The following DNAH11 variants were observed in gnomAD, a reference collection of about 807,000 sequenced individuals.
DNAH11 encodes axonemal beta dynein heavy chain 11.
In DNAH11, 442 loss-of-function variants were observed where a neutral mutation model predicts 526.0. The observed-to-expected ratio is 0.84, with a 90% CI of 0.78 to 0.91. DNAH11 has a LOEUF of 0.91. Ranked by LOEUF, DNAH11 falls within the 40% of genes least tolerant of loss-of-function variation. The probability of loss-of-function intolerance (pLI) is 0.00; values close to 1 mark genes in which losing one functional copy is unlikely to be tolerated. For missense variants in DNAH11, 6,989 were observed against 5,448.7 expected, an observed-to-expected ratio of 1.28 and a Z score of -8.90; for synonymous variants, 2,461 against 1,935.9, an observed-to-expected ratio of 1.27 and a Z score of -7.12.
intron 69 of DNAH11, 51 bp downstream of exon 69, chr7:21,862,074 C>A: frequency 6.6e-7 from 1 of 1,504,136 alleles, no homozygotes; most frequent in East Asian, 2.4e-5. Flanking sequence ...AAGGCAGATG[C>A]CTCTGTTTAT....
intron 80 of DNAH11, 28 bp from the exon 81 acceptor site, chr7:21,899,952 C>T (rs575100954): frequency 5.6e-6 from 9 of 1,611,922 alleles, no homozygotes; most frequent in African/African-American, 1.3e-5. Context: ...CACTTTTATC[C>T]TATTCAATTT....
chr7:21,635,812 A>G, intron 25 of DNAH11, 59 bp from the exon 26 acceptor site: 1 of 1,381,128 alleles, frequency 7.2e-7, no homozygotes, highest in Non-Finnish European at 9.9e-7. Flanking sequence ...TGCCTCCCTC[A>G]TAGCACTCAC....
chr7:21,635,486 A>G (rs971079232), intron 25 of DNAH11, among the ~76,000 whole-genome samples: 4 of 152,058 alleles, frequency 2.6e-5, no homozygotes, highest in Non-Finnish European at 4.4e-5. Flanking sequence ...ACACATACCT[A>G]TACAATCTTG....
rs750940037 is a variant in DNAH11 at position 21,765,369 on chromosome 7, T to C, written c.8941-59T>C. ...TTTCTCTCATTGTCTAAGATTGCAA[T>C]GTAATTCTCTGCTCATTCATCACCC... On this transcript the variant is annotated intron_variant, in intron 54 of 81. Transcript: ENST00000409508. 17 of 1,608,290 alleles carry C rather than the reference T, an allele frequency of 1.1e-5. No homozygotes were observed. In the Admixed American group the frequency reaches 2.3e-4, roughly 22 times the overall value.
intron 65 of DNAH11, among the ~76,000 whole-genome samples, chr7:21,837,208 A>G (rs1448101978): frequency 6.6e-6 from 1 of 152,124 alleles, no homozygotes; most frequent in Non-Finnish European, 1.5e-5. Context: ...ACTAAGAACT[A>G]CCGTATGATC....
At chr7:21,899,267 A>G in intron 79 of DNAH11, 69 bp from the exon 80 acceptor site, 4 of 1,301,624 alleles carry the variant, frequency 3.1e-6, no homozygotes, top group Non-Finnish European at 4.5e-6. Flanking sequence ...AACCGCCCAC[A>G]ACAGAACATA....
chr7:21,894,522 G>A (rs761666942), intron 77 of DNAH11, 101 bp from the exon 78 acceptor site: 73 of 1,243,834 alleles, frequency 5.9e-5, no homozygotes, highest in East Asian at 5.4e-4. Context: ...TTCGGAAGTC[G>A]TATGATATAT....
At chr7:21,636,157 G>A in intron 26 of DNAH11, 62 bp downstream of exon 26, 1 of 1,373,662 alleles carries the variant, frequency 7.3e-7, no homozygotes, top group Non-Finnish European at 9.9e-7. Flanking sequence ...ATGGTTTTGA[G>A]CATCGTATTT....
intron 49 of DNAH11, among the ~76,000 whole-genome samples, chr7:21,743,182 A>T (rs1428655970): frequency 2.0e-5 from 3 of 152,242 alleles, no homozygotes; most frequent in Non-Finnish European, 2.9e-5. Context: ...GCAAAGGTAG[A>T]TGTCTGGGCT....
intron 54 of DNAH11, among the ~76,000 whole-genome samples, chr7:21,756,329 C>G (rs2128494808): frequency 6.6e-6 from 1 of 152,006 alleles, no homozygotes; most frequent in African/African-American, 2.4e-5. Flanking sequence ...TATTAAATGC[C>G]TAAATATATA....
At chr7:21,544,911 T>G (rs1782748665) in intron 1 of DNAH11, 95 bp from the exon 2 acceptor site, 1 of 1,102,420 alleles carries the variant, frequency 9.1e-7, no homozygotes, top group Non-Finnish European at 1.3e-6. Flanking sequence ...CAGGTTTTGT[T>G]TCTTCTGCTA....
At chr7:21,545,236 G>T in intron 2 of DNAH11, 87 bp downstream of exon 2, 3 of 773,318 alleles carry the variant, frequency 3.9e-6, no homozygotes, top group Non-Finnish European at 5.2e-6. Context: ...ATTAAAAAAA[G>T]AAGAGCTAGG....
chr7:21,635,834 T>C, intron 25 of DNAH11, 37 bp from the exon 26 acceptor site: 1 of 1,534,482 alleles, frequency 6.5e-7, no homozygotes, highest in Non-Finnish European at 8.8e-7. Context: ...TTCTACTAAA[T>C]TTAGCTACTA....
In DNAH11 at chr7:21,847,892, G is replaced by A. The variant is rs553880569; in HGVS notation, c.10897-4575G>A. Among the ~76,000 whole-genome samples the A allele has an allele frequency of 3.9e-4, 59 of 152,154 alleles. 2 individuals are homozygous for A. Among genetic ancestry groups the A allele is most frequent in the Admixed American group, 3.7e-3 (56 of 15,280 alleles). The stretch of plus-strand genomic sequence containing the variant: ...AAGATTATTATGCTTTCGACCGGGT[G>A]CAGTGGCTCACGCCTGTAATCCCAG... On this transcript the variant is annotated intron_variant, in intron 66 of 81. Transcript: ENST00000409508.
Position 21,558,996 on chromosome 7 carries a change from C to G in DNAH11, c.690C>G (p.Asn230Lys), listed in dbSNP as rs1435673335. ...KMDLDQNCSENKPPSNERIIL... is the reference protein window; with the variant it reads ...KMDLDQNCSEKKPPSNERIIL... ...ATCTGGATCAGAATTGTTCAGAGAA[C>G]AAGTACGTAACAGTACAATATATAC... The change falls in exon 3 of 82, where the codon AAC becomes AAG. Residue 230 changes from asparagine (N) to lysine (K), a missense_variant and splice_region_variant. Transcript: ENST00000409508. 1.9e-6 allele frequency: 3 copies of G among 1,570,148 alleles called. No individual in the cohort carries two copies. Among genetic ancestry groups the G allele is most frequent in the African/African-American group, 2.7e-5 (2 of 73,926 alleles).
intron 61 of DNAH11, among the ~76,000 whole-genome samples, chr7:21,800,629 C>T (rs1454870313): frequency 6.6e-6 from 1 of 151,494 alleles, no homozygotes; most frequent in Non-Finnish European, 1.5e-5. Context: ...ATACTCATTC[C>T]AAAAAAAATG....
At chr7:21,595,220 CCCTGGG>C (rs1784820807) in intron 14 of DNAH11, among the ~76,000 whole-genome samples, 1 of 152,176 alleles carries the variant, frequency 6.6e-6, no homozygotes, top group Non-Finnish European at 1.5e-5. Context: ...GAGGAAGTTC[CCCTGGG>C]CCTGTTTCAT....
intron 31 of DNAH11, among the ~76,000 whole-genome samples, chr7:21,683,126 C>A (rs1783210765): frequency 6.6e-6 from 1 of 152,032 alleles, no homozygotes; most frequent in Admixed American, 6.6e-5. Context: ...ATCTAATATA[C>A]GTGAATATGC....
At chr7:21,580,422 T>C (rs572687945) in intron 8 of DNAH11, among the ~76,000 whole-genome samples, 85 of 152,334 alleles carry the variant, frequency 5.6e-4, no homozygotes, top group Admixed American at 1.3e-3. Context: ...GTATGACACA[T>C]AGTGTCCTAG....
Sources: gnomAD v4.1 joint callset for allele counts (sites outside exome capture counted in the v4.1 genomes callset) on GRCh38, gnomAD v4.1.1 for gene constraint, MANE v1.5 for transcripts, NCBI Gene and HGNC (gene_info 2026-07-23, HGNC 2026-07-21) for gene names.